TMEM178B: variants seen among roughly 807,000 people sequenced by gnomAD.
TMEM178B encodes transmembrane protein 178B.
TMEM178B carries 5 observed loss-of-function variants against 31.0 expected under a neutral mutation model. That is an observed-to-expected ratio of 0.16 (90% CI 0.08 to 0.34). The LOEUF (loss-of-function observed/expected upper bound fraction) is 0.34, where lower values mean the gene tolerates loss of function less well. Among genes scored for constraint, TMEM178B ranks in the 10% least tolerant of loss-of-function variants. TMEM178B has a pLI of 1.00. For missense variants in TMEM178B, 275 were observed against 400.3 expected (o/e 0.69, Z 2.67); for synonymous variants, 164 against 164.0 (o/e 1.00, Z 0.00).
intron 2 of TMEM178B, among the ~76,000 whole-genome samples, chr7:141,223,915 T>A (rs1255071644): frequency 6.6e-6 from 1 of 152,202 alleles, no homozygotes; most frequent in Admixed American, 6.5e-5. Flanking sequence ...ATTTTACTTA[T>A]AAACTGACGT....
At chr7:141,447,003 G>A (rs1303657094) in intron 3 of TMEM178B, among the ~76,000 whole-genome samples, 1 of 152,074 alleles carries the variant, frequency 6.6e-6, no homozygotes, top group Non-Finnish European at 1.5e-5. Context: ...GACAGGTAAT[G>A]TCTCTCCGAC....
intron 2 of TMEM178B, among the ~76,000 whole-genome samples, chr7:141,418,644 A>C (rs1015197340): frequency 6.6e-6 from 1 of 152,074 alleles, no homozygotes; most frequent in African/African-American, 2.4e-5. Context: ...CTTATCCCTT[A>C]AATGTCGGTA....
chr7:141,113,559 C>G (rs1221278116), intron 1 of TMEM178B, among the ~76,000 whole-genome samples: 1 of 152,090 alleles, frequency 6.6e-6, no homozygotes, highest in Admixed American at 6.5e-5. Flanking sequence ...GACCACCCAC[C>G]TCAACACCCC....
intron 2 of TMEM178B, among the ~76,000 whole-genome samples, chr7:141,262,536 A>G (rs1326894973): frequency 6.8e-6 from 1 of 147,066 alleles, no homozygotes; most frequent in Non-Finnish European, 1.5e-5. Flanking sequence ...TCTCTTGACT[A>G]CACACAATGG....
chr7:141,193,145 G>T (rs1206680829), intron 1 of TMEM178B, among the ~76,000 whole-genome samples: 1 of 152,128 alleles, frequency 6.6e-6, no homozygotes, highest in Non-Finnish European at 1.5e-5. Context: ...AGCATCCTCT[G>T]CCTCCAGCCC....
chr7:141,305,433 T>A (rs1469872320), intron 2 of TMEM178B, among the ~76,000 whole-genome samples: 1 of 151,248 alleles, frequency 6.6e-6, no homozygotes, highest in East Asian at 2.0e-4. Flanking sequence ...CTTTTCTTTT[T>A]TTCTTTTTTT....
rs1333587420 is a variant in TMEM178B at position 141,471,548 on chromosome 7, T to G, written c.*762T>G. ...CCCTGGGCAGACTGGAGCCTTGGAGTCATGCTGTGATGTGTGTGTGTGGGT... is the reference window on the plus strand; with the variant it reads ...CCCTGGGCAGACTGGAGCCTTGGAGGCATGCTGTGATGTGTGTGTGTGGGT... On this transcript the variant is annotated 3_prime_UTR_variant, in exon 4 of 4. Transcript: ENST00000565468. This position sits in a 1 kb window ranked among gnomAD's most constrained non-coding sequence, Gnocchi z 4.1. 1 of 152,336 alleles carries G rather than the reference T, an allele frequency of 6.6e-6. No individual in the cohort carries two copies. Among genetic ancestry groups the G allele is most frequent in the Admixed American group, 6.6e-5 (1 of 15,266 alleles). 9.4% of individuals were successfully genotyped at this position (152,336 alleles called of 1,614,324 possible).
intron 2 of TMEM178B, among the ~76,000 whole-genome samples, chr7:141,261,432 C>T (rs536047216): frequency 6.6e-6 from 1 of 152,092 alleles, no homozygotes; most frequent in East Asian, 1.9e-4. Flanking sequence ...CTGCAGGAAA[C>T]GCTACCATTG....
At chr7:141,092,561 G>A (rs376069756) in intron 1 of TMEM178B, among the ~76,000 whole-genome samples, 1 of 152,138 alleles carries the variant, frequency 6.6e-6, no homozygotes, top group Non-Finnish European at 1.5e-5. Context: ...ATATTCGCTT[G>A]TTCAACAAAT....
At chr7:141,365,504 A>G (rs1174381135) in intron 2 of TMEM178B, among the ~76,000 whole-genome samples, 2 of 152,106 alleles carry the variant, frequency 1.3e-5, no homozygotes, top group Non-Finnish European at 2.9e-5. Flanking sequence ...CTGTCTATAA[A>G]ATGGGGATTG....
At chr7:141,325,578 A>G (rs1040465799) in intron 2 of TMEM178B, among the ~76,000 whole-genome samples, 12 of 152,172 alleles carry the variant, frequency 7.9e-5, no homozygotes, top group African/African-American at 2.7e-4. Flanking sequence ...CCCCATCAGC[A>G]TGATGCTCAA....
rs143187685 is a variant in TMEM178B at position 141,373,240 on chromosome 7, A to G, written c.497-64368A>G. 2.4e-4 allele frequency among the ~76,000 whole-genome samples: 37 copies of G among 152,324 alleles called. No individual in the cohort carries two copies. The East Asian group carries it at 6.9e-3, about 29-fold the overall frequency. ...TTGTTGCTGTGGTGCAAGCTCTGAG[A>G]ATAGGCAGAGGCCAGAGCAAATGGT... On this transcript the variant is annotated intron_variant, in intron 2 of 3. Coordinates refer to ENST00000565468, the MANE Select transcript of TMEM178B (RefSeq NM_001195278.2).
intron 2 of TMEM178B, among the ~76,000 whole-genome samples, chr7:141,360,360 T>C (rs577616564): frequency 1.3e-5 from 2 of 152,334 alleles, no homozygotes; most frequent in South Asian, 4.2e-4. Context: ...TTGGCCTCCA[T>C]GCATCAAAGG....
intron 1 of TMEM178B, among the ~76,000 whole-genome samples, chr7:141,119,715 G>C (rs1212070746): frequency 6.6e-6 from 1 of 152,182 alleles, no homozygotes; most frequent in African/African-American, 2.4e-5. Context: ...AGGAAAGGCT[G>C]GAGAAGGGAG....
At chr7:141,443,919 G>A (rs1308761765) in intron 3 of TMEM178B, among the ~76,000 whole-genome samples, 2 of 152,102 alleles carry the variant, frequency 1.3e-5, no homozygotes, top group Non-Finnish European at 2.9e-5. Context: ...TTCTTTTGTT[G>A]CTCTCATTGG....
At chr7:141,309,983 T>C (rs778586598) in intron 2 of TMEM178B, among the ~76,000 whole-genome samples, 7 of 152,126 alleles carry the variant, frequency 4.6e-5, no homozygotes, top group Non-Finnish European at 8.8e-5. Context: ...ATAAAAATCC[T>C]AGAAGAAAAT....
rs142664374 is a variant in TMEM178B at position 141,321,044 on chromosome 7, C to T, written c.496+108340C>T. ...TGAGAATACACCCCATTCACGGCCA[C>T]TGGTGGGATTTTGTTCCATGCACAC... On this transcript the variant is annotated intron_variant, in intron 2 of 3. Transcript: ENST00000565468. Among the ~76,000 whole-genome samples, 611 of 152,294 alleles carry T rather than the reference C, an allele frequency of 4.0e-3. 2 individuals carry two copies. Among genetic ancestry groups the T allele is most frequent in the African/African-American group, 0.014 (584 of 41,566 alleles).
intron 1 of TMEM178B, among the ~76,000 whole-genome samples, chr7:141,115,892 T>C (rs906934682): frequency 3.3e-5 from 5 of 152,246 alleles, no homozygotes; most frequent in Non-Finnish European, 5.9e-5. Flanking sequence ...TATAAACTCC[T>C]AGTACTTAAA....
At chr7:141,313,239 A>G (rs1185642552) in intron 2 of TMEM178B, among the ~76,000 whole-genome samples, 1 of 152,196 alleles carries the variant, frequency 6.6e-6, no homozygotes, top group East Asian at 1.9e-4. Context: ...GCTAAGGGGT[A>G]TAATAGAAGA....
Sources: gnomAD v4.1 joint callset for allele counts (sites outside exome capture counted in the v4.1 genomes callset) on GRCh38, gnomAD v4.1.1 for gene constraint, Gnocchi (gnomAD v3.1) non-coding constraint, MANE v1.5 for transcripts, NCBI Gene and HGNC (gene_info 2026-07-23, HGNC 2026-07-21) for gene names.